The following ALDH9A1 variants were observed in gnomAD, a reference collection of about 807,000 sequenced individuals.
The protein encoded by ALDH9A1 is aldehyde dehydrogenase 9 family member A1.
Under a neutral mutation model 56.6 loss-of-function variants are expected in ALDH9A1, and 42 were observed. That is an observed-to-expected ratio of 0.74 (90% confidence interval 0.58 to 0.96). ALDH9A1 has a LOEUF of 0.96. Among genes scored for constraint, ALDH9A1 ranks in the 40% least tolerant of loss-of-function variants. ALDH9A1 has a pLI of 0.00. For missense variants in ALDH9A1, 661 were observed against 651.5 expected (o/e 1.01, Z -0.16); for synonymous variants, 242 against 236.0 (o/e 1.03, Z -0.23).
intron 1 of ALDH9A1, 118 bp downstream of exon 1, chr1:165,698,260 C>T: frequency 6.9e-7 from 1 of 1,452,242 alleles, no homozygotes; most frequent in African/African-American, 1.5e-5. Flanking sequence ...CTTAGACTCT[C>T]CACTGTCACT....
chr1:165,691,238 A>G (rs1179253347), intron 2 of ALDH9A1, among the ~76,000 whole-genome samples: 1 of 152,224 alleles, frequency 6.6e-6, no homozygotes. Flanking sequence ...GGTGATACCC[A>G]GGCAAACAGG....
intron 2 of ALDH9A1, among the ~76,000 whole-genome samples, chr1:165,689,879 A>G (rs1187026986): frequency 1.3e-5 from 2 of 151,520 alleles, no homozygotes; most frequent in Non-Finnish European, 2.9e-5. Context: ...GGTTGCAGTG[A>G]GCCAAGATTG....
intron 6 of ALDH9A1, among the ~76,000 whole-genome samples, chr1:165,674,128 C>T (rs1357367459): frequency 6.6e-6 from 1 of 151,908 alleles, no homozygotes; most frequent in Non-Finnish European, 1.5e-5. Flanking sequence ...TGACAGTTTA[C>T]AAATGCCATG....
At chr1:165,681,800 A>AACTT (rs1649558865) in intron 4 of ALDH9A1, among the ~76,000 whole-genome samples, 1 of 152,228 alleles carries the variant, frequency 6.6e-6, no homozygotes, top group South Asian at 2.1e-4. Flanking sequence ...AAAGGAAGAG[A>AACTT]ACTTATAAGT....
At chr1:165,673,101 CA>C (rs1235930104) in intron 6 of ALDH9A1, among the ~76,000 whole-genome samples, 838 of 57,272 alleles carry the variant, frequency 0.015, 6 homozygotes, top group African/African-American at 0.033. Flanking sequence ...TATTCAATTG[CA>C]AAAAAAAAAA....
intron 3 of ALDH9A1, 67 bp downstream of exon 3, chr1:165,682,914 C>G: frequency 1.3e-6 from 2 of 1,538,322 alleles, no homozygotes; most frequent in Non-Finnish European, 1.8e-6. Context: ...AATCTTTGCC[C>G]TTCACCACTA....
chr1:165,688,040 G>C (rs1453007192), intron 2 of ALDH9A1, among the ~76,000 whole-genome samples: 1 of 151,664 alleles, frequency 6.6e-6, no homozygotes, highest in Non-Finnish European at 1.5e-5. Context: ...TTCTAGGCTG[G>C]GTACAGTGGC....
At position 165,686,517 on chromosome 1, in the gene ALDH9A1, T is replaced by TAA. The variant is rs1485530167; in HGVS notation, c.328-3408_328-3407insTT. On this transcript the variant is annotated intron_variant, in intron 2 of 10. Transcript: ENST00000354775. ...ACCCAAGAAGAAAATGTTTTTTTTT[T>TAA]TAAAAAAAAAAGCCCCAGAACTCAC... 2.6e-3 allele frequency among the ~76,000 whole-genome samples: 227 copies of TAA among 88,134 alleles called. 3 individuals carry two copies. In the East Asian group the frequency reaches 0.29, roughly 112 times the overall value. The allele number at this position is 88,134 out of a possible 152,430, so 57.8% of individuals were successfully genotyped here. A position where few individuals can be genotyped will look rare whatever the true frequency, so the allele number is the denominator to read the frequency against.
In ALDH9A1 at chr1:165,674,315, T is replaced by TAA. The variant is rs56088658; in HGVS notation, c.931-4867_931-4866dup. On this transcript the variant is annotated intron_variant, in intron 6 of 10. Coordinates refer to ENST00000354775, the MANE Select transcript of ALDH9A1 (RefSeq NM_000696.4). ...ACTTTCTTAATAAACTTCCTTTCAC[T>TAA]AAAAAAAAAAAAAAAAAAAAAAAAA... 7.1e-4 allele frequency among the ~76,000 whole-genome samples: 41 copies of TAA among 58,088 alleles called. 1 individual carries two copies. Among genetic ancestry groups the TAA allele is most frequent in the Admixed American group, 1.8e-3 (8 of 4,390 alleles). 38.1% of individuals were successfully genotyped at this position (58,088 alleles called of 152,430 possible). A position where few individuals can be genotyped will look rare whatever the true frequency, so the allele number is the denominator to read the frequency against.
At chr1:165,671,173 T>C (rs906810886) in intron 6 of ALDH9A1, 1 of 169,110 alleles carries the variant, frequency 5.9e-6, no homozygotes, top group African/African-American at 2.4e-5. Context: ...TGACTATATA[T>C]GCTGTTAAGA....
intron 6 of ALDH9A1, among the ~76,000 whole-genome samples, chr1:165,675,521 T>A (rs976210366): frequency 6.6e-6 from 1 of 152,146 alleles, no homozygotes; most frequent in African/African-American, 2.4e-5. Context: ...TCAGACTGGC[T>A]ACCCACAGGA....
intron 5 of ALDH9A1, 54 bp downstream of exon 5, chr1:165,680,433 G>A: frequency 6.3e-7 from 1 of 1,580,292 alleles, no homozygotes; most frequent in Non-Finnish European, 8.6e-7. Flanking sequence ...GGTAGGACCG[G>A]ATTTGCCACA....
At chr1:165,674,043 G>A (rs978640671) in intron 6 of ALDH9A1, among the ~76,000 whole-genome samples, 4 of 152,172 alleles carry the variant, frequency 2.6e-5, no homozygotes, top group East Asian at 1.9e-4. Context: ...ATGAGTGACC[G>A]CTGGTCGTCA....
At chr1:165,693,144 C>T (rs910144038) in intron 2 of ALDH9A1, among the ~76,000 whole-genome samples, 1 of 152,172 alleles carries the variant, frequency 6.6e-6, no homozygotes, top group Non-Finnish European at 1.5e-5. Flanking sequence ...CCATTCAGGA[C>T]ACAGGCATGG....
rs368089472 is a variant in ALDH9A1 at position 165,679,405 on chromosome 1, G to A, written c.930+37C>T. 2.1e-5 allele frequency: 34 copies of A among 1,607,966 alleles called. No individual in the cohort carries two copies. The African/African-American group carries it at 3.7e-4, about 18-fold the overall frequency. On this transcript the variant is annotated intron_variant, in intron 6 of 10. Coordinates refer to ENST00000354775, the MANE Select transcript of ALDH9A1 (RefSeq NM_000696.4). ...ACACACTGTTGGATGAGGGGGTAGA[G>A]ATTCCTTTTACACCTCTTCCAGGGA...
chr1:165,678,317 G>A (rs983311844), intron 6 of ALDH9A1, among the ~76,000 whole-genome samples: 4 of 152,320 alleles, frequency 2.6e-5, no homozygotes, highest in African/African-American at 9.6e-5. Context: ...CTGGGGGACA[G>A]AGCTAGACTC....
At chr1:165,694,809 A>T (rs1650013188) in intron 2 of ALDH9A1, among the ~76,000 whole-genome samples, 1 of 152,098 alleles carries the variant, frequency 6.6e-6, no homozygotes, top group Admixed American at 6.5e-5. Context: ...TACAAAAATT[A>T]GCCAGGCATG....
At chr1:165,665,344 T>C (rs867564076) in intron 9 of ALDH9A1, 100 of 506,546 alleles carry the variant, frequency 2.0e-4, no homozygotes, top group Middle Eastern at 1.6e-3. Context: ...GTAACAGCAA[T>C]AAGGGTACCA....
chr1:165,695,161 G>A, intron 2 of ALDH9A1, 91 bp downstream of exon 2: 1 of 1,378,272 alleles, frequency 7.3e-7, no homozygotes, highest in Non-Finnish European at 9.7e-7. Flanking sequence ...AAACGTTACG[G>A]CCTAATGTTG....
Sources: allele counts gnomAD v4.1 joint callset (sites outside exome capture counted in the v4.1 genomes callset), GRCh38; gene constraint gnomAD v4.1.1; transcripts MANE v1.5; gene names NCBI Gene and HGNC (gene_info 2026-07-23, HGNC 2026-07-21).